Variants in SRBD1 observed in about 807,000 individuals in gnomAD.
The protein encoded by SRBD1 is S1 RNA binding domain 1, also known as S1 RNA-binding domain-containing protein 1.
SRBD1 carries 88 observed loss-of-function variants against 115.3 expected under a neutral mutation model. The ratio of observed to expected loss-of-function variants is 0.76; its 90% CI spans 0.64 to 0.91. The LOEUF is 0.91. Among genes scored for constraint, SRBD1 ranks in the 40% least tolerant of loss-of-function variants. The pLI, the probability that SRBD1 is intolerant of heterozygous loss-of-function variation, is 0.00. For missense variants in SRBD1, 1,385 were observed against 1,177.4 expected (o/e 1.18, Z -2.58); for synonymous variants, 509 against 407.7 (o/e 1.25, Z -2.99).
At chr2:45,530,082 G>A (rs563195037) in intron 14 of SRBD1, among the ~76,000 whole-genome samples, 2 of 152,128 alleles carry the variant, frequency 1.3e-5, no homozygotes, top group Admixed American at 6.5e-5. Context: ...AACTTCTTAT[G>A]TAGTCCTAGA....
At chr2:45,443,952 G>C (rs992017135) in intron 16 of SRBD1, among the ~76,000 whole-genome samples, 2 of 152,040 alleles carry the variant, frequency 1.3e-5, no homozygotes, top group African/African-American at 4.8e-5. Context: ...GTCTATTACA[G>C]GGCTGAATTT....
chr2:45,520,255 G>C (rs1029280136), intron 14 of SRBD1, among the ~76,000 whole-genome samples: 2 of 152,212 alleles, frequency 1.3e-5, no homozygotes, highest in African/African-American at 4.8e-5. Flanking sequence ...TCAAGCCCAT[G>C]TCTGCAGGAG....
intron 16 of SRBD1, among the ~76,000 whole-genome samples, chr2:45,442,125 T>C (rs891485566): frequency 2.6e-5 from 4 of 152,064 alleles, no homozygotes; most frequent in African/African-American, 9.7e-5. Flanking sequence ...AGCTGGGAGA[T>C]TTAGAACCGG....
At chr2:45,609,277 T>C (rs1244275649) in intron 1 of SRBD1, among the ~76,000 whole-genome samples, 1 of 152,178 alleles carries the variant, frequency 6.6e-6, no homozygotes, top group African/African-American at 2.4e-5. Context: ...ATGTTACAAA[T>C]CTTTTTTTCT....
intron 14 of SRBD1, among the ~76,000 whole-genome samples, chr2:45,496,066 T>G (rs1404516922): frequency 6.6e-6 from 1 of 152,204 alleles, no homozygotes; most frequent in Admixed American, 6.5e-5. Flanking sequence ...CAAGTGCACC[T>G]TCATTCAGAT....
At chr2:45,430,044 C>T (rs2103670577) in intron 16 of SRBD1, among the ~76,000 whole-genome samples, 1 of 152,146 alleles carries the variant, frequency 6.6e-6, no homozygotes, top group Admixed American at 6.5e-5. Context: ...ACAATTGCTA[C>T]AAAGAGATTA....
At chr2:45,438,762 A>G (rs1246041098) in intron 16 of SRBD1, among the ~76,000 whole-genome samples, 4 of 152,160 alleles carry the variant, frequency 2.6e-5, no homozygotes, top group Non-Finnish European at 2.9e-5. Context: ...ATGCACAACT[A>G]TATGTAACTG....
chr2:45,503,010 AG>A (rs1379283034), intron 14 of SRBD1, among the ~76,000 whole-genome samples: 1 of 152,102 alleles, frequency 6.6e-6, no homozygotes, highest in Non-Finnish European at 1.5e-5. Context: ...GATGAAGTCT[AG>A]GCCCACACTC....
At chr2:45,497,918 C>T (rs1458243968) in intron 14 of SRBD1, among the ~76,000 whole-genome samples, 1 of 152,034 alleles carries the variant, frequency 6.6e-6, no homozygotes, top group Admixed American at 6.6e-5. Flanking sequence ...CCTGTAATCC[C>T]AGCTACTCAG....
chr2:45,603,654 C>G (rs1674170895), intron 2 of SRBD1, among the ~76,000 whole-genome samples: 1 of 152,120 alleles, frequency 6.6e-6, no homozygotes, highest in African/African-American at 2.4e-5. Flanking sequence ...CTCAGTCCCC[C>G]AGGTAGCTGG....
chr2:45,436,331 T>G (rs1413210655), intron 16 of SRBD1, among the ~76,000 whole-genome samples: 1 of 152,140 alleles, frequency 6.6e-6, no homozygotes, highest in Non-Finnish European at 1.5e-5. Context: ...ACCAGAATAT[T>G]TCCCACTAAG....
At chr2:45,554,682 C>T (rs940482062) in intron 10 of SRBD1, among the ~76,000 whole-genome samples, 2 of 152,092 alleles carry the variant, frequency 1.3e-5, no homozygotes, top group Non-Finnish European at 2.9e-5. Flanking sequence ...CCCTATAAAC[C>T]TTATAAAATT....
chr2:45,564,028 G>C (rs2104109018), intron 9 of SRBD1, among the ~76,000 whole-genome samples: 1 of 152,160 alleles, frequency 6.6e-6, no homozygotes, highest in Middle Eastern at 3.4e-3. Context: ...TATGAATATA[G>C]ATGTAAAAAT....
At chr2:45,557,912 A>G (rs1672533895) in intron 10 of SRBD1, among the ~76,000 whole-genome samples, 1 of 152,232 alleles carries the variant, frequency 6.6e-6, no homozygotes. Context: ...TGTATGTTGC[A>G]TACAATGAAG....
chr2:45,587,084 AAATTTTTTAAATATTT>A (rs1198266663), intron 4 of SRBD1, among the ~76,000 whole-genome samples: 3 of 130,870 alleles, frequency 2.3e-5, no homozygotes, highest in African/African-American at 3.3e-5. Context: ...AAAATATTTA[AAATTTTTTAAATATTT>A]AATTATTTTA....
intron 19 of SRBD1, among the ~76,000 whole-genome samples, chr2:45,398,789 A>G (rs994951687): frequency 6.6e-5 from 10 of 152,164 alleles, no homozygotes; most frequent in African/African-American, 2.4e-4. Flanking sequence ...ATAATAACCA[A>G]TGCCATACAC....
In SRBD1 at chr2:45,414,527, T is replaced by C. The variant is rs142378999; in HGVS notation, c.2334-1234A>G. On this transcript the variant is annotated intron_variant, in intron 18 of 20. Coordinates refer to ENST00000263736, the MANE Select transcript of SRBD1 (RefSeq NM_018079.5). ...TGTGTGTACACACATAGTGTGTATA[T>C]AGTGTGTGTACACACATAGTGTCTG... 1.2e-4 allele frequency among the ~76,000 whole-genome samples: 17 copies of C among 146,434 alleles called. No individual in the cohort carries two copies. In the East Asian group the frequency reaches 3.0e-3, roughly 26 times the overall value.
At chr2:45,556,321 T>C (rs1025580488) in intron 10 of SRBD1, among the ~76,000 whole-genome samples, 1 of 151,972 alleles carries the variant, frequency 6.6e-6, no homozygotes, top group Admixed American at 6.6e-5. Context: ...AACAAATGTA[T>C]GGCACAATAA....
At chr2:45,550,756 G>A (rs1672270346) in intron 12 of SRBD1, among the ~76,000 whole-genome samples, 1 of 152,048 alleles carries the variant, frequency 6.6e-6, no homozygotes, top group Non-Finnish European at 1.5e-5. Context: ...AAAAAAAATT[G>A]AGCAAAACAA....
Sources: allele counts gnomAD v4.1 joint callset (sites outside exome capture counted in the v4.1 genomes callset), GRCh38; gene constraint gnomAD v4.1.1; transcripts MANE v1.5; gene names NCBI Gene and HGNC (gene_info 2026-07-23, HGNC 2026-07-21).